The following BRIP1 variants were observed in gnomAD, a reference collection of about 807,000 sequenced individuals.
BRIP1 encodes Fanconi anemia group J protein.
In BRIP1, 88 loss-of-function variants were observed where a neutral mutation model predicts 119.7. The observed-to-expected ratio is 0.74, with a 90% CI of 0.62 to 0.88. The LOEUF (loss-of-function observed/expected upper bound fraction) is 0.88. BRIP1 is among the 40% of genes least tolerant of loss of function. The pLI is 0.00. For synonymous variants in BRIP1, 443 were observed against 496.5 expected, an observed-to-expected ratio of 0.89 and a Z score of 1.43; for missense variants, 1,259 against 1,455.4, an observed-to-expected ratio of 0.87 and a Z score of 2.20.
In BRIP1 at chr17:61,690,939, A is replaced by G. The variant is rs540404896; in HGVS notation, c.2575+2491T>C. On this transcript the variant is annotated intron_variant, in intron 18 of 19. Transcript: ENST00000259008. The surrounding 1 kb of genome is among the most constrained non-coding windows in gnomAD (Gnocchi z 5.6). ...AGAAAACAATCCCATTTATAATAGT[A>G]TGAATGAAGCTGGAAACCATCATTC... Among the ~76,000 whole-genome samples the G allele has an allele frequency of 6.6e-6, 1 of 152,356 alleles. No individual in the cohort carries two copies. Among genetic ancestry groups the G allele is most frequent in the East Asian group, 1.9e-4 (1 of 5,188 alleles).
In BRIP1 at chr17:61,841,872, G is replaced by C. The variant is rs957525906; in HGVS notation, c.627+5229C>G. ...TTTTTTAAAAATTTTGTACAGATGG[G>C]GTTCTCGCTATGTTGCCGGGGCTGG... is the stretch of plus-strand genomic sequence containing the variant. On this transcript the variant is annotated intron_variant, in intron 6 of 19. Transcript: ENST00000259008. The surrounding 1 kb of genome is among the most constrained non-coding windows in gnomAD (Gnocchi z 4.1). 2.6e-5 allele frequency among the ~76,000 whole-genome samples: 4 copies of C among 152,024 alleles called. No individual in the cohort carries two copies. The highest frequency in any genetic ancestry group is 6.6e-5 in the Admixed American group (1 of 15,248).
rs2061608039 is a variant in BRIP1, at chr17:61,701,169, T to A, written c.2493-7657A>T. Among the ~76,000 whole-genome samples the A allele has an allele frequency of 6.6e-6, 1 of 151,908 alleles. No homozygotes were observed. Among genetic ancestry groups the A allele is most frequent in the Non-Finnish European group, 1.5e-5 (1 of 67,990 alleles). On this transcript the variant is annotated intron_variant, in intron 17 of 19. Transcript: ENST00000259008. This position sits in a 1 kb window ranked among gnomAD's most constrained non-coding sequence, Gnocchi z 5.1. Reference sequence around the variant, plus strand: ...AATGTCTGGGTTTCCTCAGGGAGAGTTTCTATTATTTTTTTCTCTTAGTTA... The same window carrying A: ...AATGTCTGGGTTTCCTCAGGGAGAGATTCTATTATTTTTTTCTCTTAGTTA...
chr17:61,793,753 G>A lies in BRIP1; in HGVS notation c.1341-24C>T, dbSNP rs2145246098. On this transcript the variant is annotated intron_variant, in intron 9 of 19. Coordinates refer to ENST00000259008, the MANE Select transcript of BRIP1 (RefSeq NM_032043.3). The surrounding 1 kb of genome is among the most constrained non-coding windows in gnomAD (Gnocchi z 5.2). ...AACTGAAATAAAATAAAACAATTGT[G>A]TCAACCAGTATCATCCTTACACACA... is the stretch of plus-strand genomic sequence containing the variant. 6.2e-7 allele frequency: 1 copy of A among 1,602,884 alleles called. No individual in the cohort carries two copies. The highest frequency in any genetic ancestry group is 1.1e-5 in the South Asian group (1 of 90,620).
At position 61,823,760 on chromosome 17, in the gene BRIP1, AC is replaced by A. The variant is rs2078361692; in HGVS notation, c.628-15004del. ...CAATGACCCCAAGCACACAATAAAC[AC>A]ACACACACACACACACACACACACA... On this transcript the variant is annotated intron_variant, in intron 6 of 19. Coordinates refer to ENST00000259008, the MANE Select transcript of BRIP1 (RefSeq NM_032043.3). This position sits in a 1 kb window ranked among gnomAD's most constrained non-coding sequence, Gnocchi z 4.8. Among the ~76,000 whole-genome samples, 5 of 102,520 alleles carry A rather than the reference AC, an allele frequency of 4.9e-5. No homozygotes were observed. The South Asian group carries it at 2.4e-3, about 49-fold the overall frequency. 67.3% of individuals were successfully genotyped at this position (102,520 alleles called of 152,430 possible).
intron 3 of BRIP1, among the ~76,000 whole-genome samples, chr17:61,859,049 C>CAAAAAAAAAAAA (rs34782273): frequency 2.2e-5 from 1 of 45,138 alleles, no homozygotes. Flanking sequence ...TGACGCCACT[C>CAAAAAAAAAAAA]AAAAAAAAAA....
rs1192968404 is a variant in BRIP1, at chr17:61,757,860, G to A, written c.2098-13269C>T. On this transcript the variant is annotated intron_variant, in intron 14 of 19. Transcript: ENST00000259008. This position sits in a 1 kb window ranked among gnomAD's most constrained non-coding sequence, Gnocchi z 4.3. ...ACAAAAAAAATAACTGGGCATGGTG[G>A]TATGTTCCTGTAGTCCCAGTTACCC... Among the ~76,000 whole-genome samples the A allele has an allele frequency of 1.3e-5, 2 of 151,942 alleles. No homozygotes were observed. Among genetic ancestry groups the A allele is most frequent in the African/African-American group, 4.8e-5 (2 of 41,378 alleles).
In BRIP1 at chr17:61,853,621, C is replaced by G. The variant is rs1265323635; in HGVS notation, c.379+3437G>C. On this transcript the variant is annotated intron_variant, in intron 4 of 19. Coordinates refer to ENST00000259008, the MANE Select transcript of BRIP1 (RefSeq NM_032043.3). This position sits in a 1 kb window ranked among gnomAD's most constrained non-coding sequence, Gnocchi z 4.3. ...ATGGATAACTCATTGTTGATAAAGA[C>G]ACAAAGGCAATGTAGTGGATAAAGG... 2.0e-5 allele frequency among the ~76,000 whole-genome samples: 3 copies of G among 152,004 alleles called. No individual in the cohort carries two copies. The highest frequency in any genetic ancestry group is 4.4e-5 in the Non-Finnish European group (3 of 67,998).
chr17:61,819,848 AT>A (rs1338294803), intron 6 of BRIP1, among the ~76,000 whole-genome samples: 2 of 152,188 alleles, frequency 1.3e-5, no homozygotes. Context: ...GTAAAAAATA[AT>A]GTAATTGTAC....
Position 61,700,914 on chromosome 17 carries a change from T to C in BRIP1, c.2493-7402A>G, listed in dbSNP as rs2061604660. Among the ~76,000 whole-genome samples, 1 of 152,190 alleles carries C rather than the reference T, an allele frequency of 6.6e-6. No homozygotes were observed. Among genetic ancestry groups the C allele is most frequent in the African/African-American group, 2.4e-5 (1 of 41,444 alleles). On this transcript the variant is annotated intron_variant, in intron 17 of 19. Transcript: ENST00000259008. The surrounding 1 kb of genome is among the most constrained non-coding windows in gnomAD (Gnocchi z 4.1). Reference sequence around the variant, plus strand: ...AGTAAATCAATTCTTTCTTCTGCCTTCTTAAATCTGCTGTTGGGCCCCTGT... The same window carrying C: ...AGTAAATCAATTCTTTCTTCTGCCTCCTTAAATCTGCTGTTGGGCCCCTGT...
In BRIP1 at chr17:61,793,923, T is replaced by C. The variant is rs1012298697; in HGVS notation, c.1341-194A>G. Among the ~76,000 whole-genome samples the C allele has an allele frequency of 1.3e-5, 2 of 152,172 alleles. No individual in the cohort carries two copies. Among genetic ancestry groups the C allele is most frequent in the African/African-American group, 4.8e-5 (2 of 41,452 alleles). On this transcript the variant is annotated intron_variant, in intron 9 of 19. Coordinates refer to ENST00000259008, the MANE Select transcript of BRIP1 (RefSeq NM_032043.3). This position sits in a 1 kb window ranked among gnomAD's most constrained non-coding sequence, Gnocchi z 5.2. ...TATTGCAAAATAAACTTTATATAACTGAAAAGAAAGCTTTTATTCAGAAGA... is the reference window on the plus strand; with the variant it reads ...TATTGCAAAATAAACTTTATATAACCGAAAAGAAAGCTTTTATTCAGAAGA...
rs1296584559 is a variant in BRIP1 at position 61,743,909 on chromosome 17, A to G, written c.2257+523T>C. Reference sequence around the variant, plus strand: ...ACCATGTTGCCCAGGCTGGTCTCGAACTCCTGGGCTCAAGTGATCCACCCG... The same window carrying G: ...ACCATGTTGCCCAGGCTGGTCTCGAGCTCCTGGGCTCAAGTGATCCACCCG... On this transcript the variant is annotated intron_variant, in intron 15 of 19. Coordinates refer to ENST00000259008, the MANE Select transcript of BRIP1 (RefSeq NM_032043.3). The surrounding 1 kb of genome is among the most constrained non-coding windows in gnomAD (Gnocchi z 4.3). Among the ~76,000 whole-genome samples the G allele has an allele frequency of 6.6e-6, 1 of 151,644 alleles. No individual in the cohort carries two copies. Among genetic ancestry groups the G allele is most frequent in the East Asian group, 1.9e-4 (1 of 5,148 alleles).
chr17:61,836,624 AT>A (rs1248576243), intron 6 of BRIP1, among the ~76,000 whole-genome samples: 1 of 152,190 alleles, frequency 6.6e-6, no homozygotes, highest in East Asian at 1.9e-4. Flanking sequence ...GATGCTGGTT[AT>A]AAAAAACTGA....
rs2145874545 is a variant in BRIP1 at position 61,862,737 on chromosome 17, TC to T, written c.-31+546del. ...GCAGTCGTGGGAAAAAATTGTAAAT[TC>T]AACCTGGGGACGAAGAGATGGTTAA... On this transcript the variant is annotated intron_variant, in intron 1 of 19. Transcript: ENST00000259008. The surrounding 1 kb of genome is among the most constrained non-coding windows in gnomAD (Gnocchi z 5.3). Among the ~76,000 whole-genome samples the T allele has an allele frequency of 6.6e-6, 1 of 152,314 alleles. No individual in the cohort carries two copies. The highest frequency in any genetic ancestry group is 1.9e-4 in the East Asian group (1 of 5,190).
intron 10 of BRIP1, among the ~76,000 whole-genome samples, chr17:61,792,948 T>G (rs2077841704): frequency 1.3e-5 from 2 of 152,176 alleles, no homozygotes; most frequent in Admixed American, 1.3e-4. Flanking sequence ...GGTGTGTAGC[T>G]GGGAGTGAGA....
At chr17:61,779,216 G>A (rs993882246) in intron 13 of BRIP1, among the ~76,000 whole-genome samples, 2 of 152,204 alleles carry the variant, frequency 1.3e-5, no homozygotes, top group Non-Finnish European at 2.9e-5. Flanking sequence ...TCTAGGCACA[G>A]AGGAAGAACG....
At chr17:61,750,351 T>C (rs1292084523) in intron 14 of BRIP1, among the ~76,000 whole-genome samples, 1 of 152,108 alleles carries the variant, frequency 6.6e-6, no homozygotes, top group Non-Finnish European at 1.5e-5. Flanking sequence ...CTTGCCTACA[T>C]AATAAAAATT....
chr17:61,707,823 C>G (rs1294970088), intron 17 of BRIP1, among the ~76,000 whole-genome samples: 1 of 151,582 alleles, frequency 6.6e-6, no homozygotes, highest in African/African-American at 2.4e-5. Flanking sequence ...TTTGTACAGC[C>G]TCCAATGTGT....
intron 17 of BRIP1, among the ~76,000 whole-genome samples, chr17:61,714,344 A>C (rs530342609): frequency 6.6e-6 from 1 of 152,182 alleles, no homozygotes; most frequent in East Asian, 1.9e-4. Context: ...TATTCGTGGT[A>C]AGTGCCATAT....
chr17:61,765,344 A>G (rs1484307376), intron 14 of BRIP1, among the ~76,000 whole-genome samples: 2 of 127,542 alleles, frequency 1.6e-5, no homozygotes, highest in Non-Finnish European at 3.2e-5. Context: ...ACATATACAC[A>G]TACATATGTA....
Sources: allele counts gnomAD v4.1 joint callset (sites outside exome capture counted in the v4.1 genomes callset), GRCh38; gene constraint gnomAD v4.1.1; non-coding constraint Gnocchi (gnomAD v3.1); transcripts MANE v1.5; gene names NCBI Gene and HGNC (gene_info 2026-07-23, HGNC 2026-07-21).